ITFG1: variants seen among roughly 807,000 people sequenced by gnomAD.
ITFG1 encodes the protein T-cell immunomodulatory protein.
ITFG1 carries 34 observed loss-of-function variants against 81.8 expected under a neutral mutation model. That is an observed-to-expected ratio of 0.42 (90% CI 0.32 to 0.55). The LOEUF (loss-of-function observed/expected upper bound fraction) is 0.55. Among genes scored for constraint, ITFG1 ranks in the 20% least tolerant of loss-of-function variants. The pLI is 0.17. For synonymous variants in ITFG1, 285 were observed against 270.6 expected, an observed-to-expected ratio of 1.05 and a Z score of -0.52; for missense variants, 672 against 755.4, an observed-to-expected ratio of 0.89 and a Z score of 1.29.
intron 10 of ITFG1, among the ~76,000 whole-genome samples, chr16:47,280,639 G>A (rs1966441403): frequency 6.6e-6 from 1 of 152,094 alleles, no homozygotes; most frequent in African/African-American, 2.4e-5. Context: ...AATGAGATGA[G>A]CTATCTCATC....
In ITFG1 at chr16:47,181,273, G is replaced by A. The variant is rs558359553; in HGVS notation, c.1454-18609C>T. Among the ~76,000 whole-genome samples, 364 of 147,234 alleles carry A rather than the reference G, an allele frequency of 2.5e-3. 5 individuals carry two copies. The East Asian group carries it at 0.065, about 26-fold the overall frequency. On this transcript the variant is annotated intron_variant, in intron 14 of 17. Coordinates refer to ENST00000320640, the MANE Select transcript of ITFG1 (RefSeq NM_030790.5). Reference sequence around the variant, plus strand: ...AGCCCCTCCGCCCGGCAGCCACCCCGTCTGGGAAGTGAGGAGCGTCTCTGT... The same window carrying A: ...AGCCCCTCCGCCCGGCAGCCACCCCATCTGGGAAGTGAGGAGCGTCTCTGT...
intron 12 of ITFG1, among the ~76,000 whole-genome samples, chr16:47,238,543 T>C (rs1965899894): frequency 6.6e-6 from 1 of 152,180 alleles, no homozygotes; most frequent in African/African-American, 2.4e-5. Flanking sequence ...GATAAATTTA[T>C]TGTATAACCA....
chr16:47,340,753 C>G (rs1375137357), intron 8 of ITFG1, among the ~76,000 whole-genome samples: 1 of 152,016 alleles, frequency 6.6e-6, no homozygotes, highest in Non-Finnish European at 1.5e-5. Flanking sequence ...AAAACATGGT[C>G]CAACTATATG....
chr16:47,334,000 G>C (rs1413455272), intron 8 of ITFG1, among the ~76,000 whole-genome samples: 1 of 152,086 alleles, frequency 6.6e-6, no homozygotes, highest in South Asian at 2.1e-4. Flanking sequence ...TACCATATTG[G>C]TATTTTGGCC....
intron 8 of ITFG1, among the ~76,000 whole-genome samples, chr16:47,356,714 T>A (rs1334283001): frequency 6.6e-6 from 1 of 152,116 alleles, no homozygotes; most frequent in East Asian, 1.9e-4. Context: ...CATGCCTACA[T>A]CCAAGAAGCA....
chr16:47,223,585 G>A (rs936439410), intron 13 of ITFG1, among the ~76,000 whole-genome samples: 1 of 152,250 alleles, frequency 6.6e-6, no homozygotes, highest in South Asian at 2.1e-4. Context: ...GAGAGGATGT[G>A]GAGAAATAGG....
At chr16:47,387,023 CA>C (rs1281618618) in intron 6 of ITFG1, among the ~76,000 whole-genome samples, 2 of 152,170 alleles carry the variant, frequency 1.3e-5, no homozygotes, top group African/African-American at 4.8e-5. Flanking sequence ...CACCAACCTA[CA>C]GAACAAACCT....
intron 13 of ITFG1, among the ~76,000 whole-genome samples, chr16:47,229,628 A>T (rs1470345687): frequency 6.6e-6 from 1 of 152,138 alleles, no homozygotes; most frequent in South Asian, 2.1e-4. Context: ...TCCTGAAATA[A>T]AGTAACAGGA....
chr16:47,295,210 T>A (rs919732369), intron 10 of ITFG1, among the ~76,000 whole-genome samples: 4 of 152,220 alleles, frequency 2.6e-5, no homozygotes, highest in African/African-American at 9.6e-5. Context: ...TGCTGTGCTG[T>A]TGGATTCAAT....
intron 6 of ITFG1, among the ~76,000 whole-genome samples, chr16:47,397,597 A>G (rs1968608946): frequency 6.6e-6 from 1 of 152,214 alleles, no homozygotes; most frequent in South Asian, 2.1e-4. Flanking sequence ...AGGTATTCAG[A>G]TAGTAGAAGC....
intron 8 of ITFG1, among the ~76,000 whole-genome samples, chr16:47,343,187 A>G (rs1250652851): frequency 6.6e-6 from 1 of 152,136 alleles, no homozygotes; most frequent in African/African-American, 2.4e-5. Context: ...AAATAAACAC[A>G]TAGACGTATG....
chr16:47,184,007 C>A (rs1163266592), intron 14 of ITFG1, among the ~76,000 whole-genome samples: 1 of 151,876 alleles, frequency 6.6e-6, no homozygotes, highest in Non-Finnish European at 1.5e-5. Flanking sequence ...CCTCAGGAGC[C>A]GATGCGATCA....
chr16:47,326,588 A>C (rs1462991887), intron 8 of ITFG1, among the ~76,000 whole-genome samples: 9 of 152,208 alleles, frequency 5.9e-5, no homozygotes, highest in East Asian at 3.9e-4. Flanking sequence ...TCGTCTCAGC[A>C]CAAAATCTCC....
intron 10 of ITFG1, among the ~76,000 whole-genome samples, chr16:47,272,791 T>G (rs1382127500): frequency 6.6e-6 from 1 of 151,866 alleles, no homozygotes; most frequent in Non-Finnish European, 1.5e-5. Context: ...AATACAAAAG[T>G]TAACTGCAGA....
At chr16:47,419,877 A>G (rs755880278) in intron 6 of ITFG1, among the ~76,000 whole-genome samples, 44 of 151,738 alleles carry the variant, frequency 2.9e-4, no homozygotes, top group Non-Finnish European at 6.0e-4. Context: ...TGCTGGGATT[A>G]TAAGTGTGAG....
chr16:47,232,559 TGGGTGAAATAAAATTGGGCATATAA>T (rs1193091973), intron 13 of ITFG1, among the ~76,000 whole-genome samples: 1 of 151,946 alleles, frequency 6.6e-6, no homozygotes, highest in African/African-American at 2.4e-5. Context: ...GGTGGTGGTA[TGGGTGAAATAAAATTGGGCATATAA>T]TGATATTTTT....
chr16:47,212,214 A>G (rs1328626790), intron 14 of ITFG1, among the ~76,000 whole-genome samples: 4 of 151,582 alleles, frequency 2.6e-5, no homozygotes. Context: ...TTTGAAGTTA[A>G]CTCTATTTTA....
At chr16:47,276,678 T>C (rs1328530334) in intron 10 of ITFG1, among the ~76,000 whole-genome samples, 1 of 152,124 alleles carries the variant, frequency 6.6e-6, no homozygotes, top group Non-Finnish European at 1.5e-5. Flanking sequence ...AGACTGATAA[T>C]TAAGGTAAGG....
chr16:47,234,959 C>T (rs888783927), intron 13 of ITFG1, among the ~76,000 whole-genome samples: 4 of 152,214 alleles, frequency 2.6e-5, no homozygotes, highest in African/African-American at 9.7e-5. Context: ...ACTCATTCTC[C>T]TGCTGCCCTG....
Sources: allele counts gnomAD v4.1 joint callset (sites outside exome capture counted in the v4.1 genomes callset), GRCh38; gene constraint gnomAD v4.1.1; transcripts MANE v1.5; gene names NCBI Gene and HGNC (gene_info 2026-07-23, HGNC 2026-07-21).